ARHGAP23: variants seen among roughly 807,000 people sequenced by gnomAD.
The protein encoded by ARHGAP23 is rho GTPase-activating protein 23.
In ARHGAP23, 34 loss-of-function variants were observed where a neutral mutation model predicts 136.3. The observed-to-expected ratio is 0.25, with a 90% CI of 0.19 to 0.33. ARHGAP23 has a LOEUF of 0.33. ARHGAP23 is among the 10% of genes least tolerant of loss of function. ARHGAP23 has a pLI of 1.00. For missense variants in ARHGAP23, 1,808 were observed against 2,139.0 expected, an observed-to-expected ratio of 0.85 and a Z score of 3.05; for synonymous variants, 832 against 920.5, an observed-to-expected ratio of 0.90 and a Z score of 1.74.
At chr17:38,435,558 G>A (rs1183338357) in intron 1 of ARHGAP23, among the ~76,000 whole-genome samples, 3 of 152,202 alleles carry the variant, frequency 2.0e-5, no homozygotes, top group Non-Finnish European at 4.4e-5. Flanking sequence ...CCTGGAACCC[G>A]ATCTCTCCTT....
intron 11 of ARHGAP23, among the ~76,000 whole-genome samples, chr17:38,472,657 C>T (rs2039790297): frequency 6.6e-6 from 1 of 152,122 alleles, no homozygotes; most frequent in Non-Finnish European, 1.5e-5. Context: ...GGTGCAAATC[C>T]TGGCCCCAGG....
At chr17:38,423,573 A>G (rs879837062), upstream of ARHGAP23, among the ~76,000 whole-genome samples, 3 of 151,982 alleles carry the variant, frequency 2.0e-5, no homozygotes, top group Non-Finnish European at 4.4e-5. Flanking sequence ...GGATTTCACC[A>G]TGTTGGCCAG....
chr17:38,506,032 C>T (rs552583392), intron 23 of ARHGAP23, among the ~76,000 whole-genome samples: 117 of 152,346 alleles, frequency 7.7e-4, no homozygotes, highest in African/African-American at 2.7e-3. Context: ...CCAAAGCCAA[C>T]CCAGGGACTC....
At chr17:38,459,356 G>T (rs1233793787) in intron 2 of ARHGAP23, among the ~76,000 whole-genome samples, 3 of 152,226 alleles carry the variant, frequency 2.0e-5, no homozygotes, top group Non-Finnish European at 4.4e-5. Context: ...CATGTCATGT[G>T]TACATGTAAC....
intron 1 of ARHGAP23, among the ~76,000 whole-genome samples, chr17:38,443,922 C>T (rs182890712): frequency 6.6e-6 from 1 of 152,160 alleles, no homozygotes; most frequent in African/African-American, 2.4e-5. Flanking sequence ...CAGGCGGAGT[C>T]ACACCTAGAG....
intron 1 of ARHGAP23, among the ~76,000 whole-genome samples, chr17:38,433,882 C>G (rs1019428053): frequency 6.6e-6 from 1 of 152,180 alleles, no homozygotes; most frequent in Non-Finnish European, 1.5e-5. Flanking sequence ...GGAGCCTGGG[C>G]CACTGGTCCT....
intron 1 of ARHGAP23, among the ~76,000 whole-genome samples, chr17:38,430,973 G>C (rs2038673267): frequency 6.6e-6 from 1 of 152,138 alleles, no homozygotes; most frequent in South Asian, 2.1e-4. Flanking sequence ...CTAAGAGGTA[G>C]ATACCATTAT....
upstream of ARHGAP23, among the ~76,000 whole-genome samples, chr17:38,426,011 A>G (rs1655655356): frequency 6.6e-6 from 1 of 151,956 alleles, no homozygotes; most frequent in African/African-American, 2.4e-5. Context: ...GCGGGGTCTG[A>G]GGGCATCAGG....
Position 38,510,245 on chromosome 17 carries a change from ACTC to A in ARHGAP23, c.3751_3753del (p.Ser1251del). ...GACACGCGCTCCATTGTGTCGGGCTACTCCACCCTGTCCACCATGGACCGCAGC... is the reference window on the plus strand; with the variant it reads ...GACACGCGCTCCATTGTGTCGGGCTACACCCTGTCCACCATGGACCGCAGC... On this transcript the variant is annotated inframe_deletion, in exon 24 of 24. Transcript: ENST00000622683. This position sits in a 1 kb window ranked among gnomAD's most constrained non-coding sequence, Gnocchi z 4.6. The A allele has an allele frequency of 1.5e-6, 2 of 1,375,614 alleles. No individual in the cohort carries two copies. The highest frequency in any genetic ancestry group is 3.5e-5 in the South Asian group (2 of 57,100). 85.2% of individuals were successfully genotyped at this position (1,375,614 alleles called of 1,614,324 possible). A position where few individuals can be genotyped will look rare whatever the true frequency, so the allele number is the denominator to read the frequency against.
intron 20 of ARHGAP23, among the ~76,000 whole-genome samples, chr17:38,493,310 T>C (rs1191570040): frequency 1.3e-5 from 2 of 151,644 alleles, no homozygotes; most frequent in African/African-American, 4.8e-5. Context: ...CATCTCAGCC[T>C]CCTGAGTAGC....
intron 23 of ARHGAP23, among the ~76,000 whole-genome samples, chr17:38,501,280 C>T (rs1016863036): frequency 3.0e-4 from 46 of 151,076 alleles, no homozygotes; most frequent in South Asian, 1.3e-3. Flanking sequence ...CACTACAGAC[C>T]CCTAAGTTAT....
chr17:38,469,102 G>C (rs1261110655), intron 7 of ARHGAP23, 42 bp from the exon 8 acceptor site: 2 of 1,513,228 alleles, frequency 1.3e-6, no homozygotes, highest in South Asian at 2.5e-5. Flanking sequence ...GGCAGGCTCC[G>C]CTGTCTGCTG....
At chr17:38,500,903 A>C (rs1043851336) in intron 23 of ARHGAP23, 7 of 493,220 alleles carry the variant, frequency 1.4e-5, no homozygotes, top group Admixed American at 3.7e-5. Context: ...CAGACTCTGC[A>C]GTCAGACAGT....
chr17:38,436,720 G>C (rs890403936), intron 1 of ARHGAP23, among the ~76,000 whole-genome samples: 1 of 152,208 alleles, frequency 6.6e-6, no homozygotes, highest in Non-Finnish European at 1.5e-5. Context: ...CCAGCCCATC[G>C]ATCAGTCCAG....
At chr17:38,427,945 A>G (rs1298728423), upstream of ARHGAP23, among the ~76,000 whole-genome samples, 1 of 151,652 alleles carries the variant, frequency 6.6e-6, no homozygotes, top group Non-Finnish European at 1.5e-5. Flanking sequence ...CCCCTTTCTG[A>G]TCCTGGGTCT....
chr17:38,454,414 A>C (rs2039275514), intron 1 of ARHGAP23, among the ~76,000 whole-genome samples: 1 of 152,026 alleles, frequency 6.6e-6, no homozygotes, highest in Admixed American at 6.5e-5. Context: ...CAGGCAGTGG[A>C]AGGATGGAAG....
Position 38,466,969 on chromosome 17 carries a change from G to T in ARHGAP23, c.1286G>T (p.Arg429Leu). 1 of 1,550,526 alleles carries T rather than the reference G, an allele frequency of 6.4e-7. No individual in the cohort carries two copies. The highest frequency in any genetic ancestry group is 8.7e-7 in the Non-Finnish European group (1 of 1,146,954). The change falls in exon 7 of 24, where the codon CGG (arginine) becomes CTG (leucine). Residue 429 changes from arginine (R) to leucine (L), a missense_variant. By Grantham distance (102) the Arg-to-Leu change is moderately radical (BLOSUM62 -2). Around this residue, in one of 7 missense-constraint regions of ARHGAP23, gnomAD observed 859 missense variants for 936.4 expected, o/e 0.92. Coordinates refer to ENST00000622683, the MANE Select transcript of ARHGAP23 (RefSeq NM_001199417.2). ...YRSYSPSFQR[R>L]TGLLHALSFR... The stretch of plus-strand genomic sequence containing the variant: ...AGCTACAGCCCATCATTCCAGCGCC[G>T]GACCGGCCTCCTCCATGCGCTCTCC...
chr17:38,508,020 C>T (rs1295403717), intron 23 of ARHGAP23, among the ~76,000 whole-genome samples: 1 of 152,232 alleles, frequency 6.6e-6, no homozygotes, highest in Non-Finnish European at 1.5e-5. Flanking sequence ...ACAAGGCTTC[C>T]TGTGTTAAGG....
chr17:38,422,208 G>A (rs958460114), intron 1 of ARHGAP23, among the ~76,000 whole-genome samples: 8 of 152,340 alleles, frequency 5.3e-5, no homozygotes, highest in African/African-American at 1.7e-4. Context: ...TAGCCTCTCT[G>A]TGTCTGTTTC....
Sources: gnomAD v4.1 joint callset for allele counts (sites outside exome capture counted in the v4.1 genomes callset) on GRCh38, gnomAD v4.1.1 for gene constraint, gnomAD v4.1.1 regional missense constraint, Gnocchi (gnomAD v3.1) non-coding constraint, MANE v1.5 for transcripts, NCBI Gene and HGNC (gene_info 2026-07-23, HGNC 2026-07-21) for gene names.